The following BCAT1 variants were observed in gnomAD, a reference collection of about 807,000 sequenced individuals.
BCAT1 encodes the protein branched-chain-amino-acid aminotransferase, cytosolic.
In BCAT1, 48 loss-of-function variants were observed where a neutral mutation model predicts 52.4. The ratio of observed to expected loss-of-function variants is 0.92; its 90% confidence interval spans 0.73 to 1.16. BCAT1 has a LOEUF of 1.16. Among genes scored for constraint, BCAT1 ranks in the 50% most tolerant of loss-of-function variants. The probability of loss-of-function intolerance (pLI) is 0.00; values close to 1 mark genes in which losing one functional copy is unlikely to be tolerated. For missense variants in BCAT1, 451 were observed against 457.1 expected, an observed-to-expected ratio of 0.99 and a Z score of 0.12; for synonymous variants, 167 against 161.3, an observed-to-expected ratio of 1.04 and a Z score of -0.27.
At chr12:24,827,666 C>G (rs2139357314) in intron 10 of BCAT1, among the ~76,000 whole-genome samples, 1 of 152,262 alleles carries the variant, frequency 6.6e-6, no homozygotes, top group African/African-American at 2.4e-5. Flanking sequence ...ATGGTGCATG[C>G]CCATAATCCC....
chr12:24,903,110 G>C, intron 1 of BCAT1: 1 of 1,331,326 alleles, frequency 7.5e-7, no homozygotes, highest in Non-Finnish European at 9.6e-7. Flanking sequence ...TGGGTACCAC[G>C]ACCTGGGGCC....
chr12:24,921,499 G>T (rs573397620), intron 1 of BCAT1, among the ~76,000 whole-genome samples: 172 of 152,264 alleles, frequency 1.1e-3, no homozygotes, highest in African/African-American at 3.9e-3. Flanking sequence ...AGAAAAAACT[G>T]CTATGGAAAC....
chr12:24,845,923 A>T (rs1941330769), intron 6 of BCAT1, among the ~76,000 whole-genome samples: 1 of 152,160 alleles, frequency 6.6e-6, no homozygotes, highest in Non-Finnish European at 1.5e-5. Context: ...TTTTATTTGA[A>T]TTTTTTCTCA....
Position 24,817,919 on chromosome 12 carries a change from A to G in BCAT1, c.*89T>C. ...AACTACATTATGCACAGGTAGCCAA[A>G]GAAATCTATCACAATTCAAATGCAA... On this transcript the variant is annotated 3_prime_UTR_variant, in exon 11 of 11. Transcript: ENST00000261192. 1 of 1,410,668 alleles carries G rather than the reference A, an allele frequency of 7.1e-7. No individual in the cohort carries two copies. Among genetic ancestry groups the G allele is most frequent in the Non-Finnish European group, 1.0e-6 (1 of 1,004,008 alleles). The allele number at this position is 1,410,668 out of a possible 1,614,324, so 87.4% of individuals were successfully genotyped here.
intron 1 of BCAT1, among the ~76,000 whole-genome samples, chr12:24,940,288 G>A (rs1165968884): frequency 6.6e-6 from 1 of 152,054 alleles, no homozygotes; most frequent in Admixed American, 6.6e-5. Context: ...CGTTAATATG[G>A]TTAAAACAAT....
chr12:24,902,110 GTCC>G (rs1943121957), intron 1 of BCAT1: 5 of 1,465,206 alleles, frequency 3.4e-6, no homozygotes, highest in Middle Eastern at 2.5e-4. Flanking sequence ...GGCGGTTTTT[GTCC>G]TCCTCCGCCG....
At chr12:24,836,953 AGAAAAGAGAAAG>A (rs1940984461) in intron 7 of BCAT1, among the ~76,000 whole-genome samples, 1 of 109,928 alleles carries the variant, frequency 9.1e-6, no homozygotes, top group Non-Finnish European at 2.2e-5. Context: ...AAAGAAAGAA[AGAAAAGAGAAAG>A]AAAGAAAGAG....
intron 1 of BCAT1, among the ~76,000 whole-genome samples, chr12:24,943,963 G>T (rs1300355538): frequency 6.6e-6 from 1 of 151,768 alleles, no homozygotes; most frequent in African/African-American, 2.4e-5. Context: ...CAGCCTGGGT[G>T]ACAGAGCAAG....
intron 1 of BCAT1, among the ~76,000 whole-genome samples, chr12:24,926,292 A>G (rs1943583499): frequency 6.6e-6 from 1 of 151,948 alleles, no homozygotes; most frequent in Non-Finnish European, 1.5e-5. Context: ...CCATCTGAGA[A>G]GTAAAGAGCC....
intron 1 of BCAT1, among the ~76,000 whole-genome samples, chr12:24,937,894 A>G (rs1943788276): frequency 6.6e-6 from 1 of 152,156 alleles, no homozygotes; most frequent in Non-Finnish European, 1.5e-5. Flanking sequence ...GACTCATAGG[A>G]CTTGATGGAA....
intron 3 of BCAT1, among the ~76,000 whole-genome samples, chr12:24,887,840 T>A (rs965884188): frequency 2.0e-5 from 3 of 152,228 alleles, no homozygotes; most frequent in African/African-American, 4.8e-5. Flanking sequence ...ATTTGAAACC[T>A]TCAAATATTA....
chr12:24,842,018 C>G, intron 7 of BCAT1, 64 bp downstream of exon 7: 1 of 1,565,846 alleles, frequency 6.4e-7, no homozygotes, highest in South Asian at 1.1e-5. Flanking sequence ...GTTTCTAGCT[C>G]TTGTCTTTCT....
chr12:24,878,661 A>G lies in BCAT1; in HGVS notation c.391-12T>C, dbSNP rs781535775. ...TCTTTGTCAAATACCTGAAAGAATGAAAAACATAATAAATGACAGAATTTT... is the reference window on the plus strand; with the variant it reads ...TCTTTGTCAAATACCTGAAAGAATGGAAAACATAATAAATGACAGAATTTT... On this transcript the variant is annotated splice_polypyrimidine_tract_variant and intron_variant, in intron 4 of 10. Transcript: ENST00000261192. 2.5e-5 allele frequency: 40 copies of G among 1,595,082 alleles called. No homozygotes were observed. In the South Asian group the frequency reaches 4.0e-4, roughly 16 times the overall value.
chr12:24,885,792 G>A (rs1052160746), intron 3 of BCAT1, among the ~76,000 whole-genome samples: 4 of 152,234 alleles, frequency 2.6e-5, no homozygotes, highest in African/African-American at 4.8e-5. Context: ...GGAAAGTACC[G>A]CCCGTTTAAA....
chr12:24,944,188 C>T (rs2352745), intron 1 of BCAT1, among the ~76,000 whole-genome samples: 44,873 of 152,012 alleles, frequency 0.3, 7,039 homozygotes, highest in Admixed American at 0.39. Context: ...ATGTAGACTT[C>T]GCAGCTGTCT....
chr12:24,944,378 C>T (rs1273756509), intron 1 of BCAT1, among the ~76,000 whole-genome samples: 3 of 152,316 alleles, frequency 2.0e-5, no homozygotes, highest in African/African-American at 7.2e-5. Context: ...CTAACAACTG[C>T]CCTGTGACCA....
intron 1 of BCAT1, among the ~76,000 whole-genome samples, chr12:24,939,850 AAAAATAATAAAATC>A (rs1943822024): frequency 6.6e-6 from 1 of 152,172 alleles, no homozygotes; most frequent in South Asian, 2.1e-4. Flanking sequence ...TAATAAAACT[AAAAATAATAAAATC>A]AAATGTGCAT....
chr12:24,837,942 G>T (rs1941051384), intron 7 of BCAT1, among the ~76,000 whole-genome samples: 1 of 152,178 alleles, frequency 6.6e-6, no homozygotes, highest in South Asian at 2.1e-4. Flanking sequence ...ACTACTGTGA[G>T]GTCTAGTAGG....
At chr12:24,857,877 G>C (rs2139502205) in intron 5 of BCAT1, among the ~76,000 whole-genome samples, 1 of 152,248 alleles carries the variant, frequency 6.6e-6, no homozygotes, top group East Asian at 1.9e-4. Context: ...TTAAGGGAAG[G>C]CTAATAGCAG....
Sources: allele counts gnomAD v4.1 joint callset (sites outside exome capture counted in the v4.1 genomes callset), GRCh38; gene constraint gnomAD v4.1.1; transcripts MANE v1.5; gene names NCBI Gene and HGNC (gene_info 2026-07-23, HGNC 2026-07-21).